OTC: variants seen among roughly 807,000 people sequenced by gnomAD.
OTC encodes ornithine transcarbamylase.
Under a neutral mutation model 30.3 loss-of-function variants are expected in OTC, and 3 were observed. The ratio of observed to expected loss-of-function variants is 0.10; its 90% CI spans 0.05 to 0.26. The LOEUF (loss-of-function observed/expected upper bound fraction) is 0.26. Ranked by LOEUF, OTC falls within the 10% of genes least tolerant of loss-of-function variation. The pLI is 1.00. For synonymous variants in OTC, 111 were observed against 99.7 expected, an observed-to-expected ratio of 1.11 and a Z score of -0.67; for missense variants, 194 against 260.3, an observed-to-expected ratio of 0.75 and a Z score of 1.75.
intron 5 of OTC, among the ~76,000 whole-genome samples, chrX:38,402,814 T>A (rs1199516801): frequency 1.8e-5 from 2 of 110,665 alleles, no homozygotes; most frequent in Non-Finnish European, 3.8e-5. Context: ...TATTATTATT[T>A]TTGTTATTAT....
chrX:38,399,306 G>A (rs2068472508), intron 4 of OTC, among the ~76,000 whole-genome samples: 1 of 110,880 alleles, frequency 9.0e-6, no homozygotes, highest in South Asian at 3.9e-4. Context: ...GAGGGGCAAG[G>A]TGCTAGCTTT....
At chrX:38,412,576 T>C (rs757089682) in intron 9 of OTC, among the ~76,000 whole-genome samples, 4 of 112,266 alleles carry the variant, frequency 3.6e-5, no homozygotes, top group Non-Finnish European at 5.6e-5. Flanking sequence ...TTCATCACTG[T>C]CATTCTAGGA....
At chrX:38,419,217 C>T (rs1157658885) in intron 9 of OTC, among the ~76,000 whole-genome samples, 4 of 111,537 alleles carry the variant, frequency 3.6e-5, no homozygotes, top group African/African-American at 1.3e-4. Context: ...ATGACAGTAC[C>T]GTGTGGTTTT....
At chrX:38,386,908 C>T (rs751166601) in intron 4 of OTC, among the ~76,000 whole-genome samples, 71 of 112,409 alleles carry the variant, frequency 6.3e-4, no homozygotes, top group African/African-American at 2.2e-3. Context: ...CATTTTACAT[C>T]ACCACCAATG....
At chrX:38,395,403 A>G (rs1297944568) in intron 4 of OTC, 1 of 114,114 alleles carries the variant, frequency 8.8e-6, no homozygotes, top group Admixed American at 9.4e-5. Flanking sequence ...TGTGCCAGCT[A>G]GCATAAAAGT....
chrX:38,407,316 G>T (rs1232065131), intron 6 of OTC, among the ~76,000 whole-genome samples: 1 of 112,310 alleles, frequency 8.9e-6, no homozygotes, highest in East Asian at 2.8e-4. Flanking sequence ...TGCCCAAAGG[G>T]GGCTGACAGC....
At position 38,409,824 on chromosome X, in the gene OTC, G is replaced by A. The variant is rs189122309; in HGVS notation, c.867+799G>A. Among the ~76,000 whole-genome samples the A allele has an allele frequency of 3.3e-4, 37 of 111,942 alleles. No homozygotes were observed. The East Asian group carries it at 9.5e-3, about 29-fold the overall frequency. On this transcript the variant is annotated intron_variant, in intron 8 of 9. Transcript: ENST00000039007. ...TTGATAAAGTAATACATAAATACAA[G>A]TTCTTTATTGTTATATATAAAATAG...
intron 4 of OTC, among the ~76,000 whole-genome samples, chrX:38,396,546 G>A (rs2068458174): frequency 2.7e-5 from 3 of 111,193 alleles, no homozygotes; most frequent in African/African-American, 9.8e-5. Flanking sequence ...GTCTGAGACG[G>A]GTGATCACCT....
At chrX:38,347,610 A>G (rs2068196372), upstream of OTC, among the ~76,000 whole-genome samples, 1 of 112,479 alleles carries the variant, frequency 8.9e-6, no homozygotes, top group African/African-American at 3.2e-5. Flanking sequence ...AGAGCTTCGC[A>G]CTGCAGTAAT....
chrX:38,379,158 A>G (rs752439813), intron 3 of OTC, among the ~76,000 whole-genome samples: 10 of 111,735 alleles, frequency 8.9e-5, no homozygotes, highest in Non-Finnish European at 1.9e-4. Flanking sequence ...CACCTAGCAC[A>G]TAAGATTTGC....
intron 1 of OTC, among the ~76,000 whole-genome samples, chrX:38,358,993 A>G (rs960147728): frequency 1.5e-4 from 17 of 111,670 alleles, no homozygotes; most frequent in Admixed American, 1.2e-3. Flanking sequence ...GACCAGATAT[A>G]TAGCATCTAC....
the OTC span, among the ~76,000 whole-genome samples, chrX:38,329,104 A>G: frequency 8.9e-6 from 1 of 112,094 alleles, no homozygotes; most frequent in African/African-American, 3.2e-5. Context: ...TTTTATTTCA[A>G]AATACAGTAA....
At position 38,421,443 on chromosome X, in the gene OTC, C is replaced by A. The variant is rs1365985672; in HGVS notation, c.*361C>A. 1 of 179,210 alleles carries A rather than the reference C, an allele frequency of 5.6e-6. No individual in the cohort carries two copies. The highest frequency in any genetic ancestry group is 1.0e-5 in the Non-Finnish European group (1 of 96,862). 14.8% of individuals were successfully genotyped at this position (179,210 alleles called of 1,213,427 possible). A position where few individuals can be genotyped will look rare whatever the true frequency, so the allele number is the denominator to read the frequency against. ...TTACCTAAATAAATTATCACCCATG[C>A]TAATTTATAAGTAAACATTTACCAG... On this transcript the variant is annotated 3_prime_UTR_variant, in exon 10 of 10. Coordinates refer to ENST00000039007, the MANE Select transcript of OTC (RefSeq NM_000531.6).
At chrX:38,379,749 C>T (rs1251391231) in intron 3 of OTC, among the ~76,000 whole-genome samples, 2 of 110,387 alleles carry the variant, frequency 1.8e-5, no homozygotes, top group African/African-American at 6.6e-5. Flanking sequence ...CCTGCCTCAG[C>T]CTCCCGAGTA....
chrX:38,368,902 C>T (rs2068310032), intron 2 of OTC, among the ~76,000 whole-genome samples: 1 of 107,906 alleles, frequency 9.3e-6, no homozygotes, highest in African/African-American at 3.4e-5. Flanking sequence ...TTCCAGAATT[C>T]CTTCTATCAG....
At chrX:38,418,697 G>T (rs1370641992) in intron 9 of OTC, among the ~76,000 whole-genome samples, 1 of 111,532 alleles carries the variant, frequency 9.0e-6, no homozygotes, top group Non-Finnish European at 1.9e-5. Context: ...TGTTCTTATG[G>T]TACTGAATAA....
At chrX:38,369,284 C>CA (rs760877849) in intron 2 of OTC, among the ~76,000 whole-genome samples, 1 of 111,467 alleles carries the variant, frequency 9.0e-6, no homozygotes, top group Non-Finnish European at 1.9e-5. Flanking sequence ...AATTACATGT[C>CA]AATAAGCTGT....
chrX:38,385,954 C>T (rs1194838852), intron 4 of OTC, among the ~76,000 whole-genome samples: 1 of 108,631 alleles, frequency 9.2e-6, no homozygotes, highest in Non-Finnish European at 1.9e-5. Context: ...AAAAAAAATT[C>T]CGCACACCTG....
At chrX:38,385,068 A>T (rs1436734245) in intron 4 of OTC, among the ~76,000 whole-genome samples, 1 of 111,327 alleles carries the variant, frequency 9.0e-6, no homozygotes, top group Non-Finnish European at 1.9e-5. Flanking sequence ...ACCTGAGGTC[A>T]GGACCAGCCT....
Sources: gnomAD v4.1 joint callset for allele counts (sites outside exome capture counted in the v4.1 genomes callset) on GRCh38, gnomAD v4.1.1 for gene constraint, MANE v1.5 for transcripts, NCBI Gene and HGNC (gene_info 2026-07-23, HGNC 2026-07-21) for gene names.